The following PCDHA5 variants were observed in gnomAD, a reference collection of about 807,000 sequenced individuals.
The protein encoded by PCDHA5 is protocadherin alpha-5.
A neutral mutation model predicts 61.6 loss-of-function variants in PCDHA5; 43 were observed. That is an observed-to-expected ratio of 0.70 (90% confidence interval 0.55 to 0.90). The LOEUF is 0.90. Among genes scored for constraint, PCDHA5 ranks in the 40% least tolerant of loss-of-function variants. The pLI, the probability that PCDHA5 is intolerant of heterozygous loss-of-function variation, is 0.00. For synonymous variants in PCDHA5, 627 were observed against 543.9 expected (o/e 1.15, Z -2.13); for missense variants, 1,298 against 1,222.7 (o/e 1.06, Z -0.92).
At chr5:140,848,920 T>A (rs1554142573) in intron 1 of PCDHA5, 1 of 1,607,752 alleles carries the variant, frequency 6.2e-7, no homozygotes, top group East Asian at 2.2e-5. Flanking sequence ...AATCTGTTCA[T>A]CGCGGAATCC....
chr5:140,973,329 G>A (rs1303671094), intron 1 of PCDHA5, among the ~76,000 whole-genome samples: 6 of 152,112 alleles, frequency 3.9e-5, no homozygotes, highest in Non-Finnish European at 7.3e-5. Flanking sequence ...GTTTACACTC[G>A]TTGTAAAGTG....
rs1171652738 is a variant in PCDHA5 at position 140,842,111 on chromosome 5, C to A, written c.2352+17984C>A. On this transcript the variant is annotated intron_variant, in intron 1 of 3. Transcript: ENST00000529859. ...AGACAACGGAACAACAGTTATCAAA[C>A]TGAATGCTTCTGATCCGGATGAAGG... is the stretch of plus-strand genomic sequence containing the variant. The A allele has an allele frequency of 3.1e-6, 5 of 1,613,758 alleles. No individual in the cohort carries two copies. In the Admixed American group the frequency reaches 8.3e-5, roughly 27 times the overall value.
chr5:140,877,411 C>T (rs781874450), intron 1 of PCDHA5: 75 of 1,613,818 alleles, frequency 4.6e-5, no homozygotes, highest in Non-Finnish European at 6.0e-5. Context: ...GCGCCACCGC[C>T]TGCTGGTGCT....
intron 1 of PCDHA5, chr5:140,849,231 C>T (rs2040825064): frequency 9.5e-7 from 1 of 1,049,088 alleles, no homozygotes; most frequent in Admixed American, 2.7e-5. Context: ...CGACAGAACC[C>T]TGTATACGGT....
At chr5:140,892,641 T>G (rs2063609688) in intron 1 of PCDHA5, among the ~76,000 whole-genome samples, 1 of 152,226 alleles carries the variant, frequency 6.6e-6, no homozygotes. Flanking sequence ...TTGTACATAT[T>G]TATAGGATAC....
chr5:140,892,448 A>G (rs973072554), intron 1 of PCDHA5, among the ~76,000 whole-genome samples: 13 of 152,292 alleles, frequency 8.5e-5, no homozygotes, highest in African/African-American at 2.9e-4. Context: ...ATTTACATGT[A>G]TTCTTTAAGT....
chr5:140,870,546 G>T, intron 1 of PCDHA5: 1 of 1,614,086 alleles, frequency 6.2e-7, no homozygotes, highest in Non-Finnish European at 8.5e-7. Flanking sequence ...CGCGGGACGC[G>T]GACGCGCAGG....
In PCDHA5 at chr5:140,822,814, C is replaced by T; in HGVS notation, c.1039C>T (p.Pro347Ser). Reference protein sequence around the residue: ...VKLLDVNDNTPEMAITTLFLP... With the variant: ...VKLLDVNDNTSEMAITTLFLP... The stretch of plus-strand genomic sequence containing the variant: ...ACTCCTGGATGTGAATGATAATACC[C>T]CAGAGATGGCCATAACCACCCTTTT... The change falls in exon 1 of 4, where the codon CCA becomes TCA. Residue 347 changes from proline to serine, a missense_variant. Transcript: ENST00000529859. 8.1e-6 allele frequency: 13 copies of T among 1,614,100 alleles called. No homozygotes were observed. The highest frequency in any genetic ancestry group is 2.2e-5 in the South Asian group (2 of 91,084).
At chr5:140,909,186 A>G (rs552786721) in intron 1 of PCDHA5, among the ~76,000 whole-genome samples, 1 of 152,336 alleles carries the variant, frequency 6.6e-6, no homozygotes, top group Admixed American at 6.5e-5. Context: ...TCCAAACAAG[A>G]TTATGACACA....
At chr5:140,986,862 G>A (rs1441287999) in intron 3 of PCDHA5, among the ~76,000 whole-genome samples, 2 of 152,068 alleles carry the variant, frequency 1.3e-5, no homozygotes, top group East Asian at 1.9e-4. Flanking sequence ...AACAATACCC[G>A]GAAACTTGTT....
intron 1 of PCDHA5, chr5:140,966,787 A>G (rs781920865): frequency 6.5e-7 from 1 of 1,526,816 alleles, no homozygotes; most frequent in African/African-American, 1.4e-5. Context: ...CGGGCACCAG[A>G]CCTGCGGCGA....
chr5:140,871,668 T>G (rs2053250173), intron 1 of PCDHA5: 6 of 1,174,012 alleles, frequency 5.1e-6, no homozygotes, highest in Non-Finnish European at 7.0e-6. Context: ...CTTCAGTCTT[T>G]TAATCATATG....
chr5:140,902,284 T>C (rs2069352303), intron 1 of PCDHA5, among the ~76,000 whole-genome samples: 2 of 149,984 alleles, frequency 1.3e-5, no homozygotes, highest in South Asian at 4.3e-4. Context: ...GCAATCCTCC[T>C]GCCTCAGCCT....
At chr5:140,830,537 G>A (rs2150187557) in intron 1 of PCDHA5, 1 of 1,226,140 alleles carries the variant, frequency 8.2e-7, no homozygotes, top group Non-Finnish European at 1.1e-6. Flanking sequence ...ATTTATAATT[G>A]TTTTCCTCAT....
intron 1 of PCDHA5, chr5:140,849,169 C>A: frequency 1.8e-6 from 2 of 1,130,206 alleles, no homozygotes; most frequent in Non-Finnish European, 2.5e-6. Context: ...CTGACTGGCA[C>A]CGTTCAATTA....
At chr5:140,907,381 G>T (rs2073350294) in intron 1 of PCDHA5, among the ~76,000 whole-genome samples, 1 of 152,180 alleles carries the variant, frequency 6.6e-6, no homozygotes, top group African/African-American at 2.4e-5. Context: ...TGAGTGCCTT[G>T]GTCAAAGGCA....
intron 3 of PCDHA5, among the ~76,000 whole-genome samples, chr5:140,986,174 A>G (rs896771813): frequency 1.3e-5 from 2 of 152,238 alleles, no homozygotes; most frequent in Admixed American, 6.5e-5. Flanking sequence ...CAGGATAAAC[A>G]AGTCAGGCAT....
rs1383347742 is a variant in PCDHA5, at chr5:140,943,271, AAAAAAAG to A, written c.2353-35674_2353-35668del. ...AGACTCTGTCTCAAAAAAAAAAAAA[AAAAAAAG>A]AAAGAAAGAATTAAATTTTGGGAAG... On this transcript the variant is annotated intron_variant, in intron 1 of 3. Transcript: ENST00000529859. Among the ~76,000 whole-genome samples, 73 of 150,734 alleles carry A rather than the reference AAAAAAAG, an allele frequency of 4.8e-4. 1 individual carries two copies. The highest frequency in any genetic ancestry group is 1.6e-3 in the African/African-American group (65 of 40,848).
Position 140,823,848 on chromosome 5 carries a change from C to G in PCDHA5, c.2073C>G (p.Ala691=). Reference sequence around the variant, plus strand: ...CGGGCGCTGTGGGTCCCGAGGCTGCCCTGGTGGATGTCAACGTGTACCTGA... The same window carrying G: ...CGGGCGCTGTGGGTCCCGAGGCTGCGCTGGTGGATGTCAACGTGTACCTGA... ...ASAGAVGPEA[A]LVDVNVYLII... Residue 691 remains alanine, a synonymous_variant, in exon 1 of 4, where the codon GCC becomes GCG. Transcript: ENST00000529859. 1 of 1,613,852 alleles carries G rather than the reference C, an allele frequency of 6.2e-7. No individual in the cohort carries two copies. Among genetic ancestry groups the G allele is most frequent in the Non-Finnish European group, 8.5e-7 (1 of 1,179,914 alleles).
Sources: allele counts gnomAD v4.1 joint callset (sites outside exome capture counted in the v4.1 genomes callset), GRCh38; gene constraint gnomAD v4.1.1; transcripts MANE v1.5; gene names NCBI Gene and HGNC (gene_info 2026-07-23, HGNC 2026-07-21).